The following ANKDD1B variants were observed in gnomAD, a reference collection of about 807,000 sequenced individuals.
ANKDD1B encodes the protein ankyrin repeat and death domain containing 1B, also known as ankyrin repeat and death domain-containing protein 1B.
In ANKDD1B, 57 loss-of-function variants were observed where a neutral mutation model predicts 59.7. That is an observed-to-expected ratio of 0.95 (90% confidence interval 0.77 to 1.19). The LOEUF is 1.19. Among genes scored for constraint, ANKDD1B ranks in the 50% most tolerant of loss-of-function variants. The probability of loss-of-function intolerance (pLI) is 0.00; values close to 1 mark genes in which losing one functional copy is unlikely to be tolerated. For missense variants in ANKDD1B, 602 were observed against 641.9 expected (o/e 0.94, Z 0.67); for synonymous variants, 216 against 239.5 (o/e 0.90, Z 0.91).
intron 3 of ANKDD1B, among the ~76,000 whole-genome samples, chr5:75,623,253 T>C (rs559335303): frequency 2.0e-5 from 3 of 152,026 alleles, no homozygotes; most frequent in Admixed American, 6.5e-5. Flanking sequence ...TTAGTAGAGA[T>C]AGGGTTTCTC....
At chr5:75,613,141 A>G (rs1387549933) in intron 1 of ANKDD1B, among the ~76,000 whole-genome samples, 2 of 152,216 alleles carry the variant, frequency 1.3e-5, no homozygotes, top group Non-Finnish European at 2.9e-5. Flanking sequence ...GGGGTGGGAA[A>G]GATGTCTGAT....
At chr5:75,660,032 T>C (rs1775086789) in intron 10 of ANKDD1B, among the ~76,000 whole-genome samples, 1 of 152,198 alleles carries the variant, frequency 6.6e-6, no homozygotes, top group Admixed American at 6.5e-5. Context: ...AAGGTTTTGC[T>C]CTTATAAACA....
intron 5 of ANKDD1B, 36 bp downstream of exon 5, chr5:75,625,991 C>A (rs1397682237): frequency 1.4e-6 from 2 of 1,404,414 alleles, no homozygotes; most frequent in Admixed American, 2.0e-5. Context: ...CTTGCATACA[C>A]CCCTATCAAA....
chr5:75,663,659 G>A (rs949756576), intron 11 of ANKDD1B, among the ~76,000 whole-genome samples, 170 bp downstream of exon 11: 2 of 152,230 alleles, frequency 1.3e-5, no homozygotes, highest in East Asian at 1.9e-4. Context: ...GGAATGAACA[G>A]CTGCCTCTTC....
Position 75,666,996 on chromosome 5 carries a change from G to A in ANKDD1B, c.1393+3G>A. ...AGCCATTGAGGAGCAGTGGTCGGGT[G>A]AGTACAGACTAGATGATGTGGGCAG... On this transcript the variant is annotated splice_donor_region_variant and intron_variant, in intron 12 of 13. Coordinates refer to ENST00000601380, the MANE Select transcript of ANKDD1B (RefSeq NM_001276713.2). 6.8e-7 allele frequency: 1 copy of A among 1,467,090 alleles called. No homozygotes were observed. Among genetic ancestry groups the A allele is most frequent in the Non-Finnish European group, 9.0e-7 (1 of 1,115,184 alleles). The allele number at this position is 1,467,090 out of a possible 1,614,324, so 90.9% of individuals were successfully genotyped here.
chr5:75,637,965 C>A (rs1480904956), intron 7 of ANKDD1B, among the ~76,000 whole-genome samples: 2 of 152,156 alleles, frequency 1.3e-5, no homozygotes, highest in Non-Finnish European at 2.9e-5. Flanking sequence ...TGTGCTCAAA[C>A]AACGACAATT....
chr5:75,651,909 A>G (rs1220056772), intron 7 of ANKDD1B, among the ~76,000 whole-genome samples: 1 of 152,172 alleles, frequency 6.6e-6, no homozygotes, highest in Non-Finnish European at 1.5e-5. Context: ...TTTACGGACA[A>G]CTGTCTTGCT....
chr5:75,616,508 CT>C (rs1773720868), intron 1 of ANKDD1B, among the ~76,000 whole-genome samples: 1 of 152,144 alleles, frequency 6.6e-6, no homozygotes, highest in East Asian at 1.9e-4. Flanking sequence ...CTATGGCCGC[CT>C]TCTGACCTTC....
intron 10 of ANKDD1B, 52 bp from the exon 11 acceptor site, chr5:75,663,342 C>T: frequency 7.5e-7 from 1 of 1,325,922 alleles, no homozygotes; most frequent in Non-Finnish European, 1.0e-6. Flanking sequence ...AAAACTAGAG[C>T]TCCTAATCAC....
At position 75,635,767 on chromosome 5, in the gene ANKDD1B, G is replaced by C; in HGVS notation, c.700-17G>C. ...CCTGGCACAGGGGTTTCTACGTCGA[G>C]TGTGTCTCTGTTGCAGGGGGGAAAC... On this transcript the variant is annotated splice_polypyrimidine_tract_variant and intron_variant, in intron 6 of 13. Transcript: ENST00000601380. 1 of 1,496,332 alleles carries C rather than the reference G, an allele frequency of 6.7e-7. No homozygotes were observed. The highest frequency in any genetic ancestry group is 9.0e-7 in the Non-Finnish European group (1 of 1,112,608). 92.7% of individuals were successfully genotyped at this position (1,496,332 alleles called of 1,614,324 possible). A position where few individuals can be genotyped will look rare whatever the true frequency, so the allele number is the denominator to read the frequency against.
chr5:75,634,417 AAG>A (rs1774243863), intron 5 of ANKDD1B, among the ~76,000 whole-genome samples: 2 of 152,214 alleles, frequency 1.3e-5, no homozygotes, highest in Admixed American at 1.3e-4. Context: ...AGGAAGGCCT[AAG>A]GAGAAGCAGT....
At chr5:75,668,780 A>C (rs1775385280) in intron 12 of ANKDD1B, among the ~76,000 whole-genome samples, 1 of 152,220 alleles carries the variant, frequency 6.6e-6, no homozygotes, top group Admixed American at 6.5e-5. Context: ...CTGGAGTGGC[A>C]GAATGAATGG....
chr5:75,634,780 C>A, intron 5 of ANKDD1B, 118 bp from the exon 6 acceptor site: 1 of 636,578 alleles, frequency 1.6e-6, no homozygotes, highest in South Asian at 1.9e-5. Context: ...CATCTTCCTC[C>A]CTGAAGAAGG....
At chr5:75,666,378 C>A (rs577316099) in intron 11 of ANKDD1B, among the ~76,000 whole-genome samples, 24 of 152,108 alleles carry the variant, frequency 1.6e-4, no homozygotes, top group Non-Finnish European at 3.1e-4. Context: ...AAGGATACAG[C>A]CAATCTGGGC....
intron 13 of ANKDD1B, among the ~76,000 whole-genome samples, chr5:75,669,678 T>TG (rs1455752582): frequency 1.3e-5 from 2 of 151,980 alleles, no homozygotes; most frequent in Non-Finnish European, 2.9e-5. Context: ...GCAGGTGGGG[T>TG]GGGGCAGAAG....
chr5:75,641,732 C>A (rs981184649), intron 7 of ANKDD1B, among the ~76,000 whole-genome samples: 1 of 152,168 alleles, frequency 6.6e-6, no homozygotes, highest in Non-Finnish European at 1.5e-5. Context: ...AATAAAGTCC[C>A]AAACTGGCAT....
intron 1 of ANKDD1B, among the ~76,000 whole-genome samples, chr5:75,612,111 ATAAGAGTTTCATG>A (rs986608410): frequency 2.6e-5 from 4 of 152,206 alleles, no homozygotes; most frequent in African/African-American, 9.7e-5. Context: ...CCTTTTGCAA[ATAAGAGTTTCATG>A]TGCTCTTATC....
At chr5:75,620,803 G>C (rs1226644438) in intron 3 of ANKDD1B, among the ~76,000 whole-genome samples, 1 of 152,100 alleles carries the variant, frequency 6.6e-6, no homozygotes, top group African/African-American at 2.4e-5. Flanking sequence ...ACAGCTCAGG[G>C]GTAAGCCCAG....
At chr5:75,648,533 A>T (rs1403094556) in intron 7 of ANKDD1B, among the ~76,000 whole-genome samples, 2 of 152,150 alleles carry the variant, frequency 1.3e-5, no homozygotes, top group East Asian at 1.9e-4. Flanking sequence ...CGTTCTCCCC[A>T]TCCGACTGAG....
Sources: gnomAD v4.1 joint callset for allele counts (sites outside exome capture counted in the v4.1 genomes callset) on GRCh38, gnomAD v4.1.1 for gene constraint, MANE v1.5 for transcripts, NCBI Gene and HGNC (gene_info 2026-07-23, HGNC 2026-07-21) for gene names.